Variants in MYLK3 observed in about 807,000 individuals in gnomAD.
The protein encoded by MYLK3 is myosin light chain kinase 3.
MYLK3 carries 55 observed loss-of-function variants against 76.3 expected under a neutral mutation model. That is an observed-to-expected ratio of 0.72 (90% CI 0.58 to 0.90). The LOEUF is 0.90. Among genes scored for constraint, MYLK3 ranks in the 40% least tolerant of loss-of-function variants. The probability of loss-of-function intolerance (pLI) is 0.00; values close to 1 mark genes in which losing one functional copy is unlikely to be tolerated. For synonymous variants in MYLK3, 416 were observed against 425.4 expected (o/e 0.98, Z 0.27); for missense variants, 973 against 1,053.6 (o/e 0.92, Z 1.06).
intron 10 of MYLK3, among the ~76,000 whole-genome samples, chr16:46,711,287 C>T (rs1966680703): frequency 6.6e-6 from 1 of 152,116 alleles, no homozygotes; most frequent in Non-Finnish European, 1.5e-5. Context: ...CCCAGCCTGG[C>T]GCAGCTCCCA....
intron 1 of MYLK3, among the ~76,000 whole-genome samples, chr16:46,746,636 G>A (rs1369871242): frequency 1.3e-5 from 2 of 152,056 alleles, no homozygotes; most frequent in Non-Finnish European, 2.9e-5. Flanking sequence ...TGTTGCCTAG[G>A]CTGGTCTCAA....
At position 46,707,774 on chromosome 16, in the gene MYLK3, G is replaced by A. The variant is rs1966641275; in HGVS notation, c.2401-11C>T. 5.0e-6 allele frequency: 8 copies of A among 1,602,440 alleles called. No homozygotes were observed. The highest frequency in any genetic ancestry group is 6.8e-6 in the Non-Finnish European group (8 of 1,171,918). The stretch of plus-strand genomic sequence containing the variant: ...CACATAGAAATGTTTCTTGAGGCAA[G>A]GAGAGAATAAAAGAAAAGAAAAAGC... On this transcript the variant is annotated splice_polypyrimidine_tract_variant and intron_variant, in intron 12 of 12. Coordinates refer to ENST00000394809, the MANE Select transcript of MYLK3 (RefSeq NM_182493.3).
At chr16:46,758,938 TA>T (rs1008427564) in intron 1 of MYLK3, among the ~76,000 whole-genome samples, 1 of 152,084 alleles carries the variant, frequency 6.6e-6, no homozygotes, top group African/African-American at 2.4e-5. Flanking sequence ...TCTTCCATAG[TA>T]AAATGTCTAT....
intron 9 of MYLK3, among the ~76,000 whole-genome samples, chr16:46,714,067 G>C (rs1025786632): frequency 6.6e-6 from 1 of 152,122 alleles, no homozygotes; most frequent in African/African-American, 2.4e-5. Flanking sequence ...TGAAGTTTAA[G>C]GCTAGGAAGA....
At chr16:46,721,254 A>G (rs1966796617) in intron 8 of MYLK3, 61 bp from the exon 9 acceptor site, 2 of 1,498,232 alleles carry the variant, frequency 1.3e-6, no homozygotes, top group African/African-American at 1.4e-5. Context: ...CAGCTGCCAC[A>G]CTTGTCTATA....
intron 10 of MYLK3, among the ~76,000 whole-genome samples, chr16:46,711,311 G>A (rs1966680905): frequency 6.6e-6 from 1 of 152,040 alleles, no homozygotes; most frequent in Non-Finnish European, 1.5e-5. Context: ...CTGAGTGCAG[G>A]GACAGTGCGC....
chr16:46,735,315 C>G (rs191894748), intron 3 of MYLK3, among the ~76,000 whole-genome samples: 1 of 152,256 alleles, frequency 6.6e-6, no homozygotes, highest in East Asian at 1.9e-4. Context: ...AAGAGATTCT[C>G]CTGCCTCAGT....
Position 46,702,956 on chromosome 16 carries a change from TAAAA to T in MYLK3, c.*4744_*4747del, listed in dbSNP as rs35322648. On this transcript the variant is annotated 3_prime_UTR_variant, in exon 13 of 13. Transcript: ENST00000394809. ...AAAAAAAAGGAATACATGCTCATTG[TAAAA>T]AAAAAAAAAAAAAAGATTCAAAAGG... Among the ~76,000 whole-genome samples, 6 of 126,034 alleles carry T rather than the reference TAAAA, an allele frequency of 4.8e-5. No homozygotes were observed. The highest frequency in any genetic ancestry group is 8.1e-5 in the Non-Finnish European group (5 of 61,586). The allele number at this position is 126,034 out of a possible 152,430, so 82.7% of individuals were successfully genotyped here.
chr16:46,734,347 C>T (rs972176909), intron 3 of MYLK3, among the ~76,000 whole-genome samples: 1 of 152,170 alleles, frequency 6.6e-6, no homozygotes, highest in African/African-American at 2.4e-5. Context: ...GGTGCAGTGG[C>T]TCACATCTGT....
chr16:46,709,772 T>C (rs1035072424), intron 11 of MYLK3, 101 bp from the exon 12 acceptor site: 2 of 1,330,448 alleles, frequency 1.5e-6, no homozygotes, highest in African/African-American at 1.5e-5. Flanking sequence ...TGGAACAGAT[T>C]AATCATTTAG....
intron 8 of MYLK3, chr16:46,726,706 AAAGAAAGAAAGAAAG>A (rs1966842319): frequency 6.7e-6 from 1 of 150,064 alleles, no homozygotes; most frequent in African/African-American, 2.5e-5. Context: ...AGAAAGAAAG[AAAGAAAGAAAGAAAG>A]AAAGAAAGAA....
At chr16:46,727,174 T>C in intron 8 of MYLK3, 62 bp downstream of exon 8, 1 of 1,566,168 alleles carries the variant, frequency 6.4e-7, no homozygotes, top group Non-Finnish European at 8.7e-7. Context: ...CTCTCAATGG[T>C]GAGAGCACGC....
At chr16:46,749,527 C>T (rs1967090835), upstream of MYLK3, among the ~76,000 whole-genome samples, 1 of 152,172 alleles carries the variant, frequency 6.6e-6, no homozygotes. Context: ...AGCACTTTGG[C>T]AGGCGGATTG....
At chr16:46,724,156 T>C (rs1348520172) in intron 8 of MYLK3, among the ~76,000 whole-genome samples, 2 of 152,234 alleles carry the variant, frequency 1.3e-5, no homozygotes, top group East Asian at 3.8e-4. Context: ...GGGTTATTTC[T>C]TTCTATTGTT....
chr16:46,712,192 A>G (rs943284872), intron 10 of MYLK3, among the ~76,000 whole-genome samples: 6 of 151,730 alleles, frequency 4.0e-5, no homozygotes, highest in Non-Finnish European at 8.8e-5. Context: ...GGGTCTCCCT[A>G]TGTTGCCCAG....
chr16:46,729,528 G>T, intron 6 of MYLK3, 66 bp downstream of exon 6: 1 of 1,400,364 alleles, frequency 7.1e-7, no homozygotes. Context: ...GGAGCCTGGG[G>T]GCCCTGAGGG....
intron 9 of MYLK3, among the ~76,000 whole-genome samples, chr16:46,719,177 A>C (rs1304825960): frequency 1.3e-5 from 2 of 151,992 alleles, no homozygotes; most frequent in South Asian, 2.1e-4. Flanking sequence ...AAATACAAAA[A>C]TTAGCTGGGC....
At chr16:46,754,312 A>G (rs553422667) in intron 1 of MYLK3, among the ~76,000 whole-genome samples, 3 of 151,672 alleles carry the variant, frequency 2.0e-5, no homozygotes, top group Admixed American at 2.0e-4. Flanking sequence ...GAAATTTAAA[A>G]GAAAAAAAAA....
intron 10 of MYLK3, 46 bp downstream of exon 10, chr16:46,712,601 CA>C: frequency 7.2e-7 from 1 of 1,383,792 alleles, no homozygotes; most frequent in Non-Finnish European, 9.4e-7. Flanking sequence ...CAAAGGAAGA[CA>C]AATGACCCCT....
Sources: gnomAD v4.1 joint callset for allele counts (sites outside exome capture counted in the v4.1 genomes callset) on GRCh38, gnomAD v4.1.1 for gene constraint, MANE v1.5 for transcripts, NCBI Gene and HGNC (gene_info 2026-07-23, HGNC 2026-07-21) for gene names.